ZNF638: variants seen among roughly 807,000 people sequenced by gnomAD.
ZNF638 encodes the protein zinc finger protein 638.
A neutral mutation model predicts 195.6 loss-of-function variants in ZNF638; 46 were observed. That is an observed-to-expected ratio of 0.24 (90% CI 0.19 to 0.30). ZNF638 has a LOEUF of 0.30. Ranked by LOEUF, ZNF638 falls within the 10% of genes least tolerant of loss-of-function variation. The pLI is 1.00. For missense variants in ZNF638, 2,440 were observed against 2,325.3 expected (o/e 1.05, Z -1.01); for synonymous variants, 845 against 772.0 (o/e 1.09, Z -1.57).
chr2:71,426,693 A>G lies in ZNF638; in HGVS notation c.4824A>G (p.Glu1608=). 1.9e-6 allele frequency: 3 copies of G among 1,614,218 alleles called. No individual in the cohort carries two copies. Among genetic ancestry groups the G allele is most frequent in the Non-Finnish European group, 2.5e-6 (3 of 1,180,032 alleles). ...FVTLDEIGEE[E]DAAAHLAQAL... is the part of the protein sequence containing the mutation. ...CATTGGATGAGATTGGGGAAGAGGA[A>G]GATGCAGCTGCACATCTAGCACAAG... is the stretch of plus-strand genomic sequence containing the variant. The change falls in exon 24 of 28, where the codon GAA becomes GAG. Residue 1608 remains glutamate (E), a synonymous_variant. Transcript: ENST00000264447.
intron 10 of ZNF638, among the ~76,000 whole-genome samples, chr2:71,392,695 C>T (rs1220203252): frequency 6.6e-6 from 1 of 152,012 alleles, no homozygotes; most frequent in Non-Finnish European, 1.5e-5. Flanking sequence ...TCAGTTTTTC[C>T]ACCAAAATTA....
At chr2:71,399,391 T>A (rs2079960169) in intron 12 of ZNF638, among the ~76,000 whole-genome samples, 168 bp from the exon 13 acceptor site, 1 of 152,184 alleles carries the variant, frequency 6.6e-6, no homozygotes, top group African/African-American at 2.4e-5. Context: ...TTAAATTTGC[T>A]TTTAATCTTA....
chr2:71,419,974 C>CCCCTTTTTTTTTTT (rs1189202093), intron 21 of ZNF638, among the ~76,000 whole-genome samples: 1 of 27,022 alleles, frequency 3.7e-5, no homozygotes, highest in Admixed American at 7.5e-4. Context: ...CCCCCCCCGC[C>CCCCTTTTTTTTTTT]TTTTTTTTTT....
intron 8 of ZNF638, among the ~76,000 whole-genome samples, chr2:71,376,557 G>T (rs2079429637): frequency 1.3e-5 from 2 of 152,104 alleles, no homozygotes; most frequent in Non-Finnish European, 2.9e-5. Context: ...AGCTTTCTTG[G>T]TCCAAATCTT....
intron 26 of ZNF638, 106 bp downstream of exon 26, chr2:71,431,534 T>G (rs1573182085): frequency 2.3e-6 from 2 of 871,286 alleles, no homozygotes; most frequent in South Asian, 2.9e-5. Flanking sequence ...CCGAGGCGGG[T>G]GGATCACTAG....
chr2:71,345,088 C>T (rs912726816), intron 1 of ZNF638, among the ~76,000 whole-genome samples: 2 of 152,130 alleles, frequency 1.3e-5, no homozygotes, highest in Admixed American at 6.5e-5. Context: ...TGAGAGCAAC[C>T]ACATTCATAA....
At chr2:71,405,163 G>A (rs1344377249) in intron 17 of ZNF638, among the ~76,000 whole-genome samples, 1 of 152,164 alleles carries the variant, frequency 6.6e-6, no homozygotes, top group African/African-American at 2.4e-5. Flanking sequence ...GTTCCCTGAT[G>A]TTCTTGGCCT....
At chr2:71,367,768 A>G (rs1341568711) in intron 6 of ZNF638, among the ~76,000 whole-genome samples, 1 of 145,350 alleles carries the variant, frequency 6.9e-6, no homozygotes, top group Admixed American at 7.0e-5. Flanking sequence ...ATAGAGTCTT[A>G]GTATGTTGCC....
At chr2:71,399,115 C>T (rs2079953885) in intron 12 of ZNF638, among the ~76,000 whole-genome samples, 1 of 152,038 alleles carries the variant, frequency 6.6e-6, no homozygotes, top group Non-Finnish European at 1.5e-5. Context: ...TGTACAGTTT[C>T]TTAGATGCTT....
intron 14 of ZNF638, 75 bp from the exon 15 acceptor site, chr2:71,400,403 G>GT: frequency 7.0e-7 from 1 of 1,424,414 alleles, no homozygotes; most frequent in South Asian, 1.3e-5. Flanking sequence ...TGTAGCTACT[G>GT]TTTAACCTAT....
In ZNF638 at chr2:71,427,285, A is replaced by G. The variant is rs2080558290; in HGVS notation, c.5416A>G (p.Lys1806Glu). The G allele has an allele frequency of 6.2e-7, 1 of 1,613,762 alleles. No homozygotes were observed. The highest frequency in any genetic ancestry group is 1.3e-5 in the African/African-American group (1 of 75,018). Residue 1806 changes from lysine to glutamate, a missense_variant, in exon 24 of 28, where the codon AAA becomes GAA. Coordinates refer to ENST00000264447, the MANE Select transcript of ZNF638 (RefSeq NM_014497.5). ...CAAAAATGACCATCCCACAGATAAA[A>G]AAGGGAATAGAAAGAAGAGAGCTGT... is the stretch of plus-strand genomic sequence containing the variant. ...QSKNDHPTDK[K>E]GNRKKRAVDT...
intron 12 of ZNF638, 94 bp from the exon 13 acceptor site, chr2:71,399,465 A>G (rs2079961573): frequency 2.4e-6 from 2 of 817,858 alleles, no homozygotes; most frequent in Non-Finnish European, 3.9e-6. Flanking sequence ...TGCTTTTGTA[A>G]TAAAGTCAAA....
At chr2:71,408,050 G>A (rs1201323049) in intron 19 of ZNF638, 72 bp from the exon 20 acceptor site, 1 of 1,432,924 alleles carries the variant, frequency 7.0e-7, no homozygotes, top group Non-Finnish European at 9.5e-7. Context: ...AAGTGGAATT[G>A]TTGGATTATG....
In ZNF638 at chr2:71,428,595, A is replaced by G. The variant is rs745487279; in HGVS notation, c.5594A>G (p.Glu1865Gly). Residue 1865 changes from glutamate (E) to glycine (G), a missense_variant, in exon 25 of 28, where the codon GAA (glutamate) becomes GGA (glycine). By Grantham distance (98) the Glu-to-Gly change is moderately conservative. Transcript: ENST00000264447. The stretch of plus-strand genomic sequence containing the variant: ...AGAATTGGGAAAACTCTGCCATCAG[A>G]AAAAGCTGTTGTGACAGAACCAGCA... ...RVRIGKTLPS[E>G]KAVVTEPAKG... The G allele has an allele frequency of 2.4e-5, 39 of 1,613,962 alleles. No homozygotes were observed. In the South Asian group the frequency reaches 4.3e-4, roughly 18 times the overall value.
At position 71,426,640 on chromosome 2, in the gene ZNF638, G is replaced by A. The variant is rs199963949; in HGVS notation, c.4771G>A (p.Gly1591Ser). The A allele has an allele frequency of 2.0e-5, 32 of 1,614,046 alleles. No individual in the cohort carries two copies. Among genetic ancestry groups the A allele is most frequent in the African/African-American group, 5.3e-5 (4 of 74,924 alleles). Residue 1591 changes from glycine (G) to serine (S), a missense_variant, in exon 24 of 28, where the codon GGT becomes AGT. Gly to Ser is a moderately conservative substitution (Grantham distance 56, BLOSUM62 0). This residue lies in a region of ZNF638 where 1,883 missense variants were observed against 1,739.1 expected (regional missense o/e 1.08). Transcript: ENST00000264447. The part of the protein sequence containing the change: ...KKKGKTSTPR[G>S]VEGELSFVTL... ...AAAGGGGAAAACTTCCACTCCTCGT[G>A]GTGTTGAGGGAGAACTATCTTTTGT...
rs765508532 is a variant in ZNF638 at position 71,348,781 on chromosome 2, C to T, written c.-174C>T. 9 of 1,549,966 alleles carry T rather than the reference C, an allele frequency of 5.8e-6. No homozygotes were observed. Among genetic ancestry groups the T allele is most frequent in the Non-Finnish European group, 7.8e-6 (9 of 1,152,634 alleles). On this transcript the variant is annotated 5_prime_UTR_variant, in exon 2 of 28. Transcript: ENST00000264447. ...TGTGTTATTCTTGGAAAATTTCGCA[C>T]CACTTGTGAATTCCTTGAACCTGGG... is the stretch of plus-strand genomic sequence containing the variant.
At chr2:71,408,426 A>G (rs2080147941) in intron 20 of ZNF638, 179 bp downstream of exon 20, 5 of 755,590 alleles carry the variant, frequency 6.6e-6, no homozygotes, top group Admixed American at 7.3e-5. Flanking sequence ...AAATGAGAAT[A>G]AAGAAATTTT....
intron 27 of ZNF638, among the ~76,000 whole-genome samples, chr2:71,434,294 C>A (rs953125143): frequency 6.6e-6 from 1 of 152,180 alleles, no homozygotes; most frequent in Non-Finnish European, 1.5e-5. Flanking sequence ...GTCCTACTCG[C>A]ATGGCCAGTT....
At chr2:71,396,871 C>T (rs940244570) in intron 11 of ZNF638, among the ~76,000 whole-genome samples, 1 of 152,118 alleles carries the variant, frequency 6.6e-6, no homozygotes, top group African/African-American at 2.4e-5. Flanking sequence ...CGCTTGAACC[C>T]GGGAGGTGGA....
Sources: allele counts gnomAD v4.1 joint callset (sites outside exome capture counted in the v4.1 genomes callset), GRCh38; gene constraint gnomAD v4.1.1; regional missense constraint gnomAD v4.1.1; transcripts MANE v1.5; gene names NCBI Gene and HGNC (gene_info 2026-07-23, HGNC 2026-07-21).